ICE1: variants seen among roughly 807,000 people sequenced by gnomAD.
ICE1 encodes the protein little elongation complex subunit 1.
A neutral mutation model predicts 192.7 loss-of-function variants in ICE1; 64 were observed. That is an observed-to-expected ratio of 0.33 (90% confidence interval 0.27 to 0.41). ICE1 has a LOEUF of 0.41. Ranked by LOEUF, ICE1 falls within the 10% of genes least tolerant of loss-of-function variation. ICE1 has a pLI of 1.00. For synonymous variants in ICE1, 1,010 were observed against 984.5 expected, an observed-to-expected ratio of 1.03 and a Z score of -0.49; for missense variants, 2,708 against 2,696.0, an observed-to-expected ratio of 1.00 and a Z score of -0.10.
intron 10 of ICE1, among the ~76,000 whole-genome samples, chr5:5,448,534 T>G (rs1699653386): frequency 1.3e-5 from 2 of 152,262 alleles, no homozygotes; most frequent in Admixed American, 1.3e-4. Context: ...TTTTTTGTAT[T>G]TTCATTTTCC....
intron 15 of ICE1, among the ~76,000 whole-genome samples, chr5:5,469,946 C>A (rs1344621184): frequency 6.6e-6 from 1 of 152,122 alleles, no homozygotes; most frequent in Non-Finnish European, 1.5e-5. Flanking sequence ...TATATCTGCT[C>A]CAGAGGGCTG....
chr5:5,485,166 C>T (rs1411736015), intron 17 of ICE1, among the ~76,000 whole-genome samples: 1 of 152,084 alleles, frequency 6.6e-6, no homozygotes, highest in Admixed American at 6.6e-5. Context: ...ACTTTTGTTA[C>T]TCCAGGTTAC....
chr5:5,423,972 G>A (rs374753857), intron 1 of ICE1, among the ~76,000 whole-genome samples: 14 of 149,978 alleles, frequency 9.3e-5, no homozygotes, highest in East Asian at 7.7e-4. Context: ...GAGTAGTCAG[G>A]TAGGGAATTT....
intron 18 of ICE1, 149 bp from the exon 19 acceptor site, chr5:5,489,000 A>T: frequency 1.4e-6 from 1 of 703,602 alleles, no homozygotes; most frequent in Non-Finnish European, 2.3e-6. Context: ...TCTTAAATGA[A>T]TTTTTTTACT....
At chr5:5,469,997 C>T (rs1004985266) in intron 15 of ICE1, among the ~76,000 whole-genome samples, 1 of 152,092 alleles carries the variant, frequency 6.6e-6, no homozygotes, top group Admixed American at 6.5e-5. Context: ...AGGTTACCTG[C>T]CTCCAGAGAC....
rs780798790 is a variant in ICE1 at position 5,462,159 on chromosome 5, G to T, written c.2825G>T (p.Gly942Val). 4.3e-6 allele frequency: 7 copies of T among 1,613,528 alleles called. No homozygotes were observed. The highest frequency in any genetic ancestry group is 5.9e-6 in the Non-Finnish European group (7 of 1,179,586). ...AAATTAGATTTTAATTCTCCAGGTGGTTCTTCACCAGTAGAAAATTCTGAT... is the reference window on the plus strand; with the variant it reads ...AAATTAGATTTTAATTCTCCAGGTGTTTCTTCACCAGTAGAAAATTCTGAT... ...RRKLDFNSPG[G>V]SSPVENSDCS... Residue 942 changes from glycine to valine, a missense_variant, in exon 13 of 19, where the codon GGT becomes GTT. By Grantham distance (109) the Gly-to-Val change is moderately radical. Around this residue, in one of 2 missense-constraint regions of ICE1, gnomAD observed 2,366 missense variants for 2,276.6 expected, o/e 1.04. Coordinates refer to ENST00000296564, the MANE Select transcript of ICE1 (RefSeq NM_015325.3).
intron 17 of ICE1, among the ~76,000 whole-genome samples, chr5:5,484,149 C>G (rs1422555959): frequency 6.6e-6 from 1 of 152,168 alleles, no homozygotes; most frequent in Non-Finnish European, 1.5e-5. Flanking sequence ...AGCTCTTCCT[C>G]CATCATGGCC....
At chr5:5,471,155 AG>A (rs1739145968) in intron 15 of ICE1, among the ~76,000 whole-genome samples, 1 of 152,226 alleles carries the variant, frequency 6.6e-6, no homozygotes, top group Non-Finnish European at 1.5e-5. Context: ...GCAAAAACAG[AG>A]AAAAGCAAAA....
chr5:5,473,423 G>A (rs956123085), intron 15 of ICE1, 135 bp from the exon 16 acceptor site: 1 of 747,932 alleles, frequency 1.3e-6, no homozygotes, highest in Non-Finnish European at 2.1e-6. Context: ...TGGTTCCTTA[G>A]TCAAACTGTT....
At chr5:5,454,182 C>G (rs190931282) in intron 10 of ICE1, among the ~76,000 whole-genome samples, 1 of 152,322 alleles carries the variant, frequency 6.6e-6, no homozygotes, top group African/African-American at 2.4e-5. Flanking sequence ...AACTGTGCTT[C>G]CTTCCCCCAT....
At position 5,462,789 on chromosome 5, in the gene ICE1, T is replaced by A; in HGVS notation, c.3455T>A (p.Leu1152Ter). The A allele has an allele frequency of 6.2e-7, 1 of 1,613,444 alleles. No homozygotes were observed. The highest frequency in any genetic ancestry group is 8.5e-7 in the Non-Finnish European group (1 of 1,179,648). Residue 1152 changes from leucine (L) to a stop codon, truncating the protein, a stop_gained, in exon 13 of 19, where the codon TTG (leucine) becomes TAG (stop). Transcript: ENST00000296564. LOFTEE classifies it high-confidence loss of function. Reference sequence around the variant, plus strand: ...AGACCTTCCTTAGAGGTAGGTTATTTGACGTCAGCTCTGCAAGATTTTAAC... The same window carrying A: ...AGACCTTCCTTAGAGGTAGGTTATTAGACGTCAGCTCTGCAAGATTTTAAC... The part of the protein sequence containing the change: ...EVRPSLEVGY[L>*]TSALQDFNIS...
At chr5:5,424,698 G>C (rs1737471779) in intron 1 of ICE1, among the ~76,000 whole-genome samples, 1 of 152,190 alleles carries the variant, frequency 6.6e-6, no homozygotes, top group Non-Finnish European at 1.5e-5. Flanking sequence ...AATTTAAGTA[G>C]GGAGTCCTGG....
intron 11 of ICE1, among the ~76,000 whole-genome samples, chr5:5,456,840 A>G (rs1463321348): frequency 6.6e-6 from 1 of 152,224 alleles, no homozygotes; most frequent in Non-Finnish European, 1.5e-5. Flanking sequence ...CATACTGAGT[A>G]TTCATAGACC....
intron 11 of ICE1, among the ~76,000 whole-genome samples, chr5:5,457,011 A>T (rs563065616): frequency 1.3e-5 from 2 of 152,162 alleles, no homozygotes; most frequent in South Asian, 2.1e-4. Context: ...GTATGGGAGG[A>T]TTCATCCAGA....
Position 5,462,382 on chromosome 5 carries a change from TGAA to T in ICE1, c.3052_3054del (p.Glu1018del), listed in dbSNP as rs1738820654. On this transcript the variant is annotated inframe_deletion, in exon 13 of 19. Transcript: ENST00000296564. ...TGACTGTGTCAGGAGGGTTTTCTGT[TGAA>T]GAAACCAGCTGTGGAGACACAGGGA... 4 of 1,613,876 alleles carry T rather than the reference TGAA, an allele frequency of 2.5e-6. No individual in the cohort carries two copies. Among genetic ancestry groups the T allele is most frequent in the Admixed American group, 1.7e-5 (1 of 60,006 alleles).
rs1038479155 is a variant in ICE1, at chr5:5,460,627, A to C, written c.1293A>C (p.Thr431=). The change falls in exon 13 of 19, where the codon ACA becomes ACC. Residue 431 remains threonine (T), a synonymous_variant. Transcript: ENST00000296564. ...KSHEAIQALN[T]WEVNKVTTSG... Reference sequence around the variant, plus strand: ...ATGAAGCTATCCAAGCTCTGAATACATGGGAAGTAAATAAAGTGACAACTT... The same window carrying C: ...ATGAAGCTATCCAAGCTCTGAATACCTGGGAAGTAAATAAAGTGACAACTT... 1.9e-6 allele frequency: 3 copies of C among 1,613,736 alleles called. No individual in the cohort carries two copies. The East Asian group carries it at 6.7e-5, about 36-fold the overall frequency.
chr5:5,465,726 T>A (rs764125032), intron 13 of ICE1, among the ~76,000 whole-genome samples: 18 of 152,348 alleles, frequency 1.2e-4, no homozygotes, highest in Non-Finnish European at 2.2e-4. Context: ...CTTCTAGTGC[T>A]AGACGGATCA....
chr5:5,438,436 A>G (rs1161349699), intron 3 of ICE1, among the ~76,000 whole-genome samples: 2 of 152,252 alleles, frequency 1.3e-5, no homozygotes, highest in East Asian at 1.9e-4. Context: ...GAATTTTTAC[A>G]TTCAAAAATA....
intron 3 of ICE1, among the ~76,000 whole-genome samples, chr5:5,439,256 C>T (rs1378257434): frequency 6.6e-6 from 1 of 152,096 alleles, no homozygotes; most frequent in Admixed American, 6.5e-5. Context: ...CAGAAACTTA[C>T]ATTCTAATGG....
Sources: gnomAD v4.1 joint callset for allele counts (sites outside exome capture counted in the v4.1 genomes callset) on GRCh38, gnomAD v4.1.1 for gene constraint, gnomAD v4.1.1 regional missense constraint, MANE v1.5 for transcripts, NCBI Gene and HGNC (gene_info 2026-07-23, HGNC 2026-07-21) for gene names.